The following PPP2R3B variants were observed in gnomAD, a reference collection of about 807,000 sequenced individuals.
The protein encoded by PPP2R3B is serine/threonine-protein phosphatase 2A regulatory subunit B'' subunit beta.
In PPP2R3B, 68 loss-of-function variants were observed where a neutral mutation model predicts 72.9. The ratio of observed to expected loss-of-function variants is 0.93; its 90% CI spans 0.77 to 1.14. The LOEUF is 1.14. Ranked by LOEUF, PPP2R3B falls within the 50% of genes most tolerant of loss-of-function variation. The pLI is 0.00. For missense variants in PPP2R3B, 1,018 were observed against 842.0 expected (o/e 1.21, Z -2.59); for synonymous variants, 466 against 375.8 (o/e 1.24, Z -2.78).
intron 9 of PPP2R3B, 120 bp from the exon 10 acceptor site, chrX:341,060 C>G: frequency 1.4e-6 from 2 of 1,405,800 alleles, no homozygotes; most frequent in Non-Finnish European, 1.9e-6. Flanking sequence ...CAGCCCCCAC[C>G]GGGCGTGCAG....
Position 340,758 on chromosome X carries a change from GCAT to G in PPP2R3B, c.1351+4_1351+6del. 7.4e-7 allele frequency: 1 copy of G among 1,348,526 alleles called. No homozygotes were observed. Among genetic ancestry groups the G allele is most frequent in the Admixed American group, 2.2e-5 (1 of 46,038 alleles). The allele number at this position is 1,348,526 out of a possible 1,614,324, so 83.5% of individuals were successfully genotyped here. A position where few individuals can be genotyped will look rare whatever the true frequency, so the allele number is the denominator to read the frequency against. On this transcript the variant is annotated splice_donor_5th_base_variant and intron_variant, in intron 10 of 12. Coordinates refer to ENST00000390665, the MANE Select transcript of PPP2R3B (RefSeq NM_013239.5). ...TCACCCTGGGCCATGCCCTCACGGG[GCAT>G]CACCTTCAGTCCTCGGCTTGACCAG... is the stretch of plus-strand genomic sequence containing the variant.
chrX:346,056 TG>T, intron 6 of PPP2R3B, 117 bp downstream of exon 6: 1 of 397,728 alleles, frequency 2.5e-6, no homozygotes. Context: ...GGGGTGGGGG[TG>T]GGGGTGGGAG....
At position 340,846 on chromosome X, in the gene PPP2R3B, G is replaced by C; in HGVS notation, c.1270C>G (p.Leu424Val). 1 of 1,611,994 alleles carries C rather than the reference G, an allele frequency of 6.2e-7. No individual in the cohort carries two copies. Among genetic ancestry groups the C allele is most frequent in the Non-Finnish European group, 8.5e-7 (1 of 1,179,668 alleles). The change falls in exon 10 of 13, where the codon CTG becomes GTG. Residue 424 changes from leucine (L) to valine (V), a missense_variant. Leu to Val is a conservative substitution (Grantham distance 32, BLOSUM62 1). Transcript: ENST00000390665. ...EYFYEEQCRR[L>V]DSMAIEALPF... is the part of the protein sequence containing the mutation. ...AGGGCCTCGATGGCCATGCTGTCCA[G>C]CCTTCGGCACTGCTCCTCGTAGAAG...
chrX:385,044 C>T (rs1402521528), intron 1 of PPP2R3B, among the ~76,000 whole-genome samples: 5 of 150,030 alleles, frequency 3.3e-5, no homozygotes, highest in Admixed American at 6.7e-5. Flanking sequence ...CTACTCACCA[C>T]GGACTGGTTC....
intron 2 of PPP2R3B, among the ~76,000 whole-genome samples, chrX:355,147 G>C (rs1002499491): frequency 6.6e-6 from 1 of 152,198 alleles, no homozygotes; most frequent in African/African-American, 2.4e-5. Context: ...TGGTAGAGCC[G>C]ATGACTGAGT....
At chrX:344,051 G>A (rs2071137005) in intron 7 of PPP2R3B, among the ~76,000 whole-genome samples, 1 of 147,268 alleles carries the variant, frequency 6.8e-6, no homozygotes, top group Non-Finnish European at 1.5e-5. Flanking sequence ...AACGGGAGGC[G>A]GGAGGGAGAC....
At chrX:345,422 G>C (rs755003260) in intron 7 of PPP2R3B, 94 bp downstream of exon 7, 15 of 1,512,440 alleles carry the variant, frequency 9.9e-6, no homozygotes, top group African/African-American at 1.4e-5. Flanking sequence ...AGAGCTGGGA[G>C]TGCGGAAGGA....
chrX:347,720 A>G, intron 2 of PPP2R3B, 27 bp from the exon 3 acceptor site: 1 of 1,489,544 alleles, frequency 6.7e-7, no homozygotes, highest in Non-Finnish European at 9.0e-7. Context: ...AGGAGTGGGC[A>G]GTCAGCAGGG....
At position 371,646 on chromosome X, in the gene PPP2R3B, G is replaced by A. The variant is rs555207456; in HGVS notation, c.325-10056C>T. On this transcript the variant is annotated intron_variant, in intron 1 of 12. Coordinates refer to ENST00000390665, the MANE Select transcript of PPP2R3B (RefSeq NM_013239.5). ...GAAAACAGTACCGTGCTGCCCGGCC[G>A]GGAGCGTCCGAAGGCGGAGGTGCGG... 7.9e-5 allele frequency among the ~76,000 whole-genome samples: 12 copies of A among 152,232 alleles called. No individual in the cohort carries two copies. The South Asian group carries it at 1.2e-3, about 16-fold the overall frequency.
intron 1 of PPP2R3B, among the ~76,000 whole-genome samples, chrX:383,868 CCAAAAAAA>C (rs2072183968): frequency 5.0e-5 from 5 of 100,012 alleles, no homozygotes; most frequent in East Asian, 3.0e-4. Context: ...AAAAAAAAAA[CCAAAAAAA>C]CAAAAAAACA....
chrX:346,969 C>T (rs780691606), intron 4 of PPP2R3B, among the ~76,000 whole-genome samples, 194 bp from the exon 5 acceptor site: 1 of 149,942 alleles, frequency 6.7e-6, no homozygotes, highest in East Asian at 2.0e-4. Context: ...GTGGTGTAGA[C>T]GCGGGCCCTC....
intron 1 of PPP2R3B, among the ~76,000 whole-genome samples, chrX:381,252 C>G: frequency 6.6e-6 from 1 of 152,214 alleles, no homozygotes; most frequent in South Asian, 2.1e-4. Context: ...GTACCAGTTT[C>G]TCTTCCCCAA....
At chrX:345,405 C>A in intron 7 of PPP2R3B, 111 bp downstream of exon 7, 1 of 1,415,664 alleles carries the variant, frequency 7.1e-7, no homozygotes, top group African/African-American at 1.4e-5. Context: ...GAGGCAGCTG[C>A]AGACACAGAG....
intron 7 of PPP2R3B, 140 bp downstream of exon 7, chrX:345,376 G>T: frequency 8.5e-7 from 1 of 1,183,184 alleles, no homozygotes; most frequent in Non-Finnish European, 1.2e-6. Flanking sequence ...TGCAGACACA[G>T]AGCGGCGAGT....
At chrX:351,091 G>A (rs5989622) in intron 2 of PPP2R3B, among the ~76,000 whole-genome samples, 110 of 152,238 alleles carry the variant, frequency 7.2e-4, no homozygotes, top group African/African-American at 2.4e-3. Context: ...GACGCGCTCC[G>A]GCTGGCGCAC....
chrX:336,875 G>C (rs1382501813), intron 12 of PPP2R3B: 1 of 135,788 alleles, frequency 7.4e-6, no homozygotes, highest in Non-Finnish European at 1.6e-5. Flanking sequence ...CCATGGACTG[G>C]GCCTCCTGCG....
intron 1 of PPP2R3B, among the ~76,000 whole-genome samples, chrX:380,938 CTTTT>C (rs774073061): frequency 2.2e-5 from 3 of 138,216 alleles, no homozygotes; most frequent in Middle Eastern, 7.5e-3. Flanking sequence ...CGTTTTCTTT[CTTTT>C]TTTTTTTTTT....
At position 338,758 on chromosome X, in the gene PPP2R3B, C is replaced by G. The variant is rs181420515; in HGVS notation, c.1470+20G>C. ...GTACACGGCGTGGCGCGGCCCGGCC[C>G]GCGTGCCCGCCGCACTCACCCTGAG... On this transcript the variant is annotated intron_variant, in intron 11 of 12. Coordinates refer to ENST00000390665, the MANE Select transcript of PPP2R3B (RefSeq NM_013239.5). 1.3e-5 allele frequency: 21 copies of G among 1,611,896 alleles called. No homozygotes were observed. The highest frequency in any genetic ancestry group is 1.8e-5 in the Non-Finnish European group (21 of 1,179,410).
intron 12 of PPP2R3B, chrX:337,641 G>A (rs1436096207): frequency 2.6e-5 from 4 of 152,328 alleles, no homozygotes; most frequent in African/African-American, 7.2e-5. Context: ...TTCACACACA[G>A]GCAGCCCAAC....
Sources: gnomAD v4.1 joint callset for allele counts (sites outside exome capture counted in the v4.1 genomes callset) on GRCh38, gnomAD v4.1.1 for gene constraint, MANE v1.5 for transcripts, NCBI Gene and HGNC (gene_info 2026-07-23, HGNC 2026-07-21) for gene names.